The following THAP12 variants were observed in gnomAD, a reference collection of about 807,000 sequenced individuals.
THAP12 encodes 52 kDa repressor of the inhibitor of the protein kinase.
In THAP12, 20 loss-of-function variants were observed where a neutral mutation model predicts 63.0. The observed-to-expected ratio is 0.32, with a 90% CI of 0.22 to 0.46. THAP12 has a LOEUF of 0.46. THAP12 is among the 20% of genes least tolerant of loss of function. THAP12 has a pLI of 1.00. For missense variants in THAP12, 568 were observed against 908.2 expected (o/e 0.63, Z 4.81); for synonymous variants, 264 against 328.4 (o/e 0.80, Z 2.12).
intron 1 of THAP12, 35 bp downstream of exon 1, chr11:76,380,712 TG>T: frequency 7.4e-7 from 1 of 1,350,788 alleles, no homozygotes; most frequent in Non-Finnish European, 9.6e-7. Flanking sequence ...ACCGCGAAGG[TG>T]GGCCCGGGCC....
intron 1 of THAP12, among the ~76,000 whole-genome samples, chr11:76,375,259 C>G (rs1428449419): frequency 6.6e-6 from 1 of 152,168 alleles, no homozygotes; most frequent in African/African-American, 2.4e-5. Flanking sequence ...ACGCCCATCT[C>G]ACTCTAATCA....
At chr11:76,377,904 T>C (rs1312149738) in intron 1 of THAP12, among the ~76,000 whole-genome samples, 2 of 152,226 alleles carry the variant, frequency 1.3e-5, no homozygotes, top group Non-Finnish European at 2.9e-5. Flanking sequence ...AAAGAAGTCC[T>C]TTGCCTATTT....
At chr11:76,380,596 C>T (rs11607475) in intron 1 of THAP12, 152 bp downstream of exon 1, 7,375 of 514,416 alleles carry the variant, frequency 0.014, 78 homozygotes, top group Non-Finnish European at 0.017. Context: ...GGCCGGCTCC[C>T]CATCTCGGTC....
chr11:76,360,165 T>C (rs1319519121), intron 3 of THAP12, among the ~76,000 whole-genome samples: 1 of 152,166 alleles, frequency 6.6e-6, no homozygotes, highest in East Asian at 1.9e-4. Flanking sequence ...GGATAAAATA[T>C]CTAAATAGAA....
In THAP12 at chr11:76,350,307, T is replaced by C. The variant is rs577718956; in HGVS notation, c.*557A>G. ...TGTGGAACAACAGCAGGCTTTTCCA[T>C]TCAAACTTTGTCATTTGTTTCTTTA... On this transcript the variant is annotated 3_prime_UTR_variant, in exon 5 of 5. Transcript: ENST00000260045. 2.0e-5 allele frequency: 3 copies of C among 152,504 alleles called. No homozygotes were observed. The highest frequency in any genetic ancestry group is 4.1e-4 in the South Asian group (2 of 4,834). The allele number at this position is 152,504 out of a possible 1,614,324, so 9.4% of individuals were successfully genotyped here.
intron 2 of THAP12, among the ~76,000 whole-genome samples, chr11:76,364,105 T>G (rs1424033543): frequency 5.3e-5 from 8 of 152,250 alleles, no homozygotes; most frequent in African/African-American, 1.9e-4. Flanking sequence ...GTTAGAATTA[T>G]CTAATTAAGA....
Position 76,380,845 on chromosome 11 carries a change from G to C in THAP12, c.-9C>G. On this transcript the variant is annotated 5_prime_UTR_variant, in exon 1 of 5. Coordinates refer to ENST00000260045, the MANE Select transcript of THAP12 (RefSeq NM_004705.4). ...GCGCAGAAGTTCGGCATCGTCGCCC[G>C]CCCGCCGGCCGGCCCAGCCCTCCCC... The C allele has an allele frequency of 7.1e-7, 1 of 1,412,054 alleles. No homozygotes were observed. Among genetic ancestry groups the C allele is most frequent in the Non-Finnish European group, 9.3e-7 (1 of 1,070,322 alleles). The allele number at this position is 1,412,054 out of a possible 1,614,324, so 87.5% of individuals were successfully genotyped here. A position where few individuals can be genotyped will look rare whatever the true frequency, so the allele number is the denominator to read the frequency against.
chr11:76,378,924 G>C (rs1330796414), intron 1 of THAP12, among the ~76,000 whole-genome samples: 1 of 151,986 alleles, frequency 6.6e-6, no homozygotes, highest in Admixed American at 6.6e-5. Context: ...ATCTATTCTT[G>C]AATGTCTATC....
intron 1 of THAP12, chr11:76,368,533 G>A (rs1946647809): frequency 6.6e-6 from 1 of 152,186 alleles, no homozygotes; most frequent in Non-Finnish European, 1.5e-5. Flanking sequence ...AAAGGAGGTT[G>A]AAAGAATTAC....
At chr11:76,380,419 C>T (rs985533976) in intron 1 of THAP12, among the ~76,000 whole-genome samples, 1 of 152,318 alleles carries the variant, frequency 6.6e-6, no homozygotes, top group South Asian at 2.1e-4. Flanking sequence ...GAGAGGAAAG[C>T]GACTCCCCCG....
chr11:76,362,536 G>C (rs1946604430), intron 2 of THAP12, among the ~76,000 whole-genome samples: 1 of 152,106 alleles, frequency 6.6e-6, no homozygotes, highest in Non-Finnish European at 1.5e-5. Context: ...TCTAGTGCTG[G>C]GCTCGTGATC....
intron 1 of THAP12, among the ~76,000 whole-genome samples, chr11:76,374,171 A>G (rs1946692702): frequency 6.6e-6 from 1 of 152,220 alleles, no homozygotes; most frequent in Non-Finnish European, 1.5e-5. Context: ...ATAATTGTGA[A>G]TTCTCCACAA....
At chr11:76,355,378 G>C (rs1280381157) in intron 4 of THAP12, among the ~76,000 whole-genome samples, 2 of 152,230 alleles carry the variant, frequency 1.3e-5, no homozygotes, top group Admixed American at 6.5e-5. Context: ...TGAGAGAGGA[G>C]GCGTCACCTC....
At chr11:76,377,541 T>A (rs1325094834) in intron 1 of THAP12, among the ~76,000 whole-genome samples, 2 of 152,248 alleles carry the variant, frequency 1.3e-5, no homozygotes, top group Non-Finnish European at 2.9e-5. Flanking sequence ...CTTAGCATAA[T>A]GTTTCTGAGG....
chr11:76,371,211 G>A (rs1313666004), intron 1 of THAP12, among the ~76,000 whole-genome samples: 3 of 152,158 alleles, frequency 2.0e-5, no homozygotes, highest in Non-Finnish European at 4.4e-5. Flanking sequence ...ATTTGAGAAT[G>A]TCTCTCCCAT....
chr11:76,372,226 T>A (rs1033111266), intron 1 of THAP12, among the ~76,000 whole-genome samples: 3 of 152,332 alleles, frequency 2.0e-5, no homozygotes, highest in East Asian at 1.9e-4. Context: ...AGTGCTGGGA[T>A]TACAGGCGTG....
intron 2 of THAP12, 76 bp downstream of exon 2, chr11:76,365,776 T>G: frequency 1.3e-6 from 2 of 1,506,174 alleles, no homozygotes. Flanking sequence ...TGGTAAATAC[T>G]TACATTTCCA....
At chr11:76,376,284 T>A (rs1946709703) in intron 1 of THAP12, among the ~76,000 whole-genome samples, 2 of 152,232 alleles carry the variant, frequency 1.3e-5, no homozygotes, top group Non-Finnish European at 2.9e-5. Context: ...ATATGTGAAT[T>A]GCATCTCAAT....
intron 1 of THAP12, among the ~76,000 whole-genome samples, chr11:76,371,350 T>C (rs937382824): frequency 1.3e-5 from 2 of 152,180 alleles, no homozygotes; most frequent in African/African-American, 2.4e-5. Flanking sequence ...ACACTTCCTA[T>C]GCACAGTTAA....
Sources: allele counts gnomAD v4.1 joint callset (sites outside exome capture counted in the v4.1 genomes callset), GRCh38; gene constraint gnomAD v4.1.1; transcripts MANE v1.5; gene names NCBI Gene and HGNC (gene_info 2026-07-23, HGNC 2026-07-21).